Variants in CFAP61 observed in about 807,000 individuals in gnomAD.
The protein encoded by CFAP61 is cilia and flagella associated protein 61, also known as cilia- and flagella-associated protein 61.
A neutral mutation model predicts 135.6 loss-of-function variants in CFAP61; 107 were observed. The observed-to-expected ratio is 0.79, with a 90% confidence interval of 0.67 to 0.93. The LOEUF is 0.93. CFAP61 is among the 40% of genes least tolerant of loss of function. CFAP61 has a pLI of 0.00. For missense variants in CFAP61, 1,507 were observed against 1,556.2 expected, an observed-to-expected ratio of 0.97 and a Z score of 0.53; for synonymous variants, 575 against 578.5, an observed-to-expected ratio of 0.99 and a Z score of 0.09.
chr20:20,218,211 A>G (rs532887797), intron 17 of CFAP61, among the ~76,000 whole-genome samples: 77 of 152,306 alleles, frequency 5.1e-4, no homozygotes, highest in African/African-American at 1.8e-3. Context: ...GGAGGGACCC[A>G]GGGAGAGGTA....
chr20:20,054,270 A>G (rs150552789), intron 1 of CFAP61, among the ~76,000 whole-genome samples: 1 of 151,818 alleles, frequency 6.6e-6, no homozygotes, highest in African/African-American at 2.4e-5. Context: ...TAGGTTTATC[A>G]GTCTAGGTTA....
At chr20:20,253,144 A>ATATTCTTTTC (rs1555928808) in intron 20 of CFAP61, among the ~76,000 whole-genome samples, 2 of 149,940 alleles carry the variant, frequency 1.3e-5, no homozygotes, top group Non-Finnish European at 3.0e-5. Flanking sequence ...GAGATGCTAC[A>ATATTCTTTTC]TTTTCTTTTC....
intron 7 of CFAP61, among the ~76,000 whole-genome samples, chr20:20,091,255 G>A (rs78059703): frequency 5.9e-4 from 90 of 152,324 alleles, no homozygotes; most frequent in Middle Eastern, 3.4e-3. Context: ...CCAGGGGTGC[G>A]TAGGGGGATT....
At chr20:20,222,285 G>T (rs927913429) in intron 17 of CFAP61, among the ~76,000 whole-genome samples, 3 of 152,144 alleles carry the variant, frequency 2.0e-5, no homozygotes, top group Non-Finnish European at 4.4e-5. Flanking sequence ...GTATATGAGG[G>T]ATTGAGACAG....
intron 25 of CFAP61, among the ~76,000 whole-genome samples, chr20:20,327,112 C>T (rs888100558): frequency 1.3e-5 from 2 of 151,954 alleles, no homozygotes; most frequent in Non-Finnish European, 2.9e-5. Context: ...TTGTATGTTG[C>T]TCTTGTGTTG....
At chr20:20,065,429 T>A (rs1008643901) in intron 2 of CFAP61, among the ~76,000 whole-genome samples, 2 of 151,986 alleles carry the variant, frequency 1.3e-5, no homozygotes, top group Non-Finnish European at 2.9e-5. Flanking sequence ...ACTGAAAAGG[T>A]TGCAACCTAT....
intron 17 of CFAP61, among the ~76,000 whole-genome samples, chr20:20,219,541 G>A (rs895229601): frequency 6.6e-6 from 1 of 152,154 alleles, no homozygotes; most frequent in South Asian, 2.1e-4. Context: ...TTATGATATG[G>A]ATTGGAAAGA....
At chr20:20,108,377 A>C (rs2146662794) in intron 8 of CFAP61, among the ~76,000 whole-genome samples, 1 of 152,348 alleles carries the variant, frequency 6.6e-6, no homozygotes, top group Admixed American at 6.5e-5. Flanking sequence ...AACAAACAAA[A>C]AATATCCAAA....
At chr20:20,305,292 T>C (rs2056403352) in intron 25 of CFAP61, among the ~76,000 whole-genome samples, 1 of 152,234 alleles carries the variant, frequency 6.6e-6, no homozygotes, top group African/African-American at 2.4e-5. Context: ...GTGTTATCTG[T>C]CTTTGGAACT....
intron 13 of CFAP61, among the ~76,000 whole-genome samples, chr20:20,185,616 G>A (rs933426188): frequency 6.6e-6 from 1 of 152,200 alleles, no homozygotes; most frequent in African/African-American, 2.4e-5. Flanking sequence ...ACGACTCTTA[G>A]ATGGCCATGT....
intron 8 of CFAP61, among the ~76,000 whole-genome samples, chr20:20,099,902 C>G (rs974960647): frequency 6.6e-6 from 1 of 152,138 alleles, no homozygotes. Context: ...AGTGTCTAGA[C>G]CTCATCTGAA....
intron 13 of CFAP61, among the ~76,000 whole-genome samples, chr20:20,171,142 G>A (rs2054190415): frequency 6.6e-6 from 1 of 152,162 alleles, no homozygotes; most frequent in African/African-American, 2.4e-5. Context: ...TCTCGACATG[G>A]TGTGGTCAGT....
At chr20:20,143,903 CT>C (rs1230016426) in intron 9 of CFAP61, among the ~76,000 whole-genome samples, 1 of 152,174 alleles carries the variant, frequency 6.6e-6, no homozygotes, top group Non-Finnish European at 1.5e-5. Flanking sequence ...AAAAGAACCT[CT>C]GAAAAGGATG....
intron 21 of CFAP61, among the ~76,000 whole-genome samples, chr20:20,266,709 C>T (rs187625178): frequency 1.3e-5 from 2 of 152,298 alleles, no homozygotes; most frequent in East Asian, 3.9e-4. Flanking sequence ...CTCCTCCTCA[C>T]GAATAACAGA....
chr20:20,208,993 A>C (rs1186604152), intron 17 of CFAP61, among the ~76,000 whole-genome samples: 1 of 152,046 alleles, frequency 6.6e-6, no homozygotes, highest in East Asian at 1.9e-4. Flanking sequence ...AGAAATCTTC[A>C]AAAAAGCCCC....
intron 8 of CFAP61, among the ~76,000 whole-genome samples, chr20:20,131,779 TC>T (rs1162731417): frequency 1.6e-4 from 25 of 152,200 alleles, no homozygotes; most frequent in Admixed American, 1.4e-3. Context: ...TAAATATCCT[TC>T]TATTCTTGGT....
chr20:20,191,450 G>A (rs781011952), intron 15 of CFAP61, 31 bp downstream of exon 15: 1 of 1,536,686 alleles, frequency 6.5e-7, no homozygotes, highest in African/African-American at 1.4e-5. Context: ...AAATTTCTTT[G>A]ATTGTGCCTT....
At chr20:20,277,029 G>T (rs979569831) in intron 21 of CFAP61, 137 bp from the exon 22 acceptor site, 2 of 611,746 alleles carry the variant, frequency 3.3e-6, no homozygotes, top group Middle Eastern at 4.3e-4. Context: ...CTTGGTCGCC[G>T]TTGCTAGGTA....
chr20:20,188,755 G>A (rs1008498), intron 14 of CFAP61, among the ~76,000 whole-genome samples: 11,633 of 152,078 alleles, frequency 0.076, 1,260 homozygotes, highest in East Asian at 0.57. Flanking sequence ...AATTTATTGA[G>A]GTATAACCAA....
Sources: allele counts gnomAD v4.1 joint callset (sites outside exome capture counted in the v4.1 genomes callset), GRCh38; gene constraint gnomAD v4.1.1; transcripts MANE v1.5; gene names NCBI Gene and HGNC (gene_info 2026-07-23, HGNC 2026-07-21).